The following AOPEP variants were observed in gnomAD, a reference collection of about 807,000 sequenced individuals.
AOPEP encodes aminopeptidase O (putative).
In AOPEP, 77 loss-of-function variants were observed where a neutral mutation model predicts 98.1. The observed-to-expected ratio is 0.78, with a 90% CI of 0.65 to 0.95. The LOEUF (loss-of-function observed/expected upper bound fraction) is 0.95, where lower values mean the gene tolerates loss of function less well. Among genes scored for constraint, AOPEP ranks in the 40% least tolerant of loss-of-function variants. The probability of loss-of-function intolerance (pLI) is 0.00; values close to 1 mark genes in which losing one functional copy is unlikely to be tolerated. For synonymous variants in AOPEP, 346 were observed against 365.3 expected, an observed-to-expected ratio of 0.95 and a Z score of 0.60; for missense variants, 1,024 against 1,024.7, an observed-to-expected ratio of 1.00 and a Z score of 0.01.
intron 5 of AOPEP, among the ~76,000 whole-genome samples, chr9:94,830,586 G>T (rs530242349): frequency 6.6e-6 from 1 of 152,252 alleles, no homozygotes; most frequent in East Asian, 1.9e-4. Context: ...TCCTATTTGG[G>T]TCGAATGGTA....
chr9:94,951,746 A>G (rs939798406), intron 7 of AOPEP, among the ~76,000 whole-genome samples: 2 of 152,210 alleles, frequency 1.3e-5, no homozygotes, highest in African/African-American at 4.8e-5. Flanking sequence ...ATGATAGTAA[A>G]GGCTGTTTGC....
intron 5 of AOPEP, among the ~76,000 whole-genome samples, chr9:94,886,897 G>T (rs976662552): frequency 1.4e-4 from 21 of 152,068 alleles, no homozygotes; most frequent in Non-Finnish European, 2.8e-4. Flanking sequence ...TTATATATGG[G>T]TTTGTATATA....
At chr9:94,956,340 C>T (rs922627330) in intron 9 of AOPEP, among the ~76,000 whole-genome samples, 3 of 152,202 alleles carry the variant, frequency 2.0e-5, no homozygotes, top group African/African-American at 4.8e-5. Flanking sequence ...TCAGTTTGAA[C>T]GCCACAGGCT....
chr9:94,747,079 GTC>G (rs1834674940), intron 1 of AOPEP, among the ~76,000 whole-genome samples: 2 of 149,156 alleles, frequency 1.3e-5, no homozygotes, highest in Admixed American at 6.7e-5. Context: ...TCACAATAGA[GTC>G]TTTCATTACA....
intron 11 of AOPEP, among the ~76,000 whole-genome samples, chr9:94,990,627 AT>A: frequency 6.6e-6 from 1 of 151,668 alleles, no homozygotes; most frequent in South Asian, 2.1e-4. Flanking sequence ...TAATTAATTA[AT>A]TAATTAATTA....
Position 94,769,972 on chromosome 9 carries a change from G to A in AOPEP, c.798-3030G>A, listed in dbSNP as rs117053181. 3.0e-4 allele frequency among the ~76,000 whole-genome samples: 45 copies of A among 152,344 alleles called. No individual in the cohort carries two copies. The East Asian group carries it at 6.0e-3, about 20-fold the overall frequency. ...TGGATTTTAATCCAGTTGGTGGAAG[G>A]ACCAGCCCCCCATCGACTGACTCAA... On this transcript the variant is annotated intron_variant, in intron 2 of 16. Transcript: ENST00000375315.
At chr9:94,916,711 T>TAAAAAAAA (rs1258413400) in intron 5 of AOPEP, among the ~76,000 whole-genome samples, 1 of 137,048 alleles carries the variant, frequency 7.3e-6, no homozygotes, top group African/African-American at 2.8e-5. Context: ...AAAAAAAAAT[T>TAAAAAAAA]AAATAAATAA....
intron 13 of AOPEP, among the ~76,000 whole-genome samples, chr9:95,054,565 T>C (rs2066663230): frequency 6.6e-6 from 1 of 152,242 alleles, no homozygotes; most frequent in Admixed American, 6.5e-5. Flanking sequence ...GAATTATTTA[T>C]GCCAGTAAAT....
At chr9:95,023,148 CAGT>C (rs779328003) in intron 13 of AOPEP, among the ~76,000 whole-genome samples, 24 of 152,146 alleles carry the variant, frequency 1.6e-4, no homozygotes, top group Admixed American at 7.9e-4. Flanking sequence ...GGGTCACAGA[CAGT>C]AGTAATTAAT....
Position 94,955,161 on chromosome 9 carries a change from T to A in AOPEP, c.1662-16T>A. 1 of 1,467,136 alleles carries A rather than the reference T, an allele frequency of 6.8e-7. No homozygotes were observed. The highest frequency in any genetic ancestry group is 9.5e-7 in the Non-Finnish European group (1 of 1,054,316). 90.9% of individuals were successfully genotyped at this position (1,467,136 alleles called of 1,614,324 possible). On this transcript the variant is annotated splice_polypyrimidine_tract_variant and intron_variant, in intron 7 of 16. Transcript: ENST00000375315. Reference sequence around the variant, plus strand: ...AATGTGCTATACTTAAATAAATTGTTACTAAATCGTTTTAGACCCAGTAAA... The same window carrying A: ...AATGTGCTATACTTAAATAAATTGTAACTAAATCGTTTTAGACCCAGTAAA...
At chr9:94,986,786 C>T (rs890881181) in intron 11 of AOPEP, among the ~76,000 whole-genome samples, 2 of 152,216 alleles carry the variant, frequency 1.3e-5, no homozygotes, top group Non-Finnish European at 2.9e-5. Flanking sequence ...AAACATTTTC[C>T]TCTGGTGCCC....
intron 3 of AOPEP, among the ~76,000 whole-genome samples, chr9:94,782,026 C>A (rs950858092): frequency 6.6e-6 from 1 of 150,944 alleles, no homozygotes; most frequent in African/African-American, 2.4e-5. Flanking sequence ...GCCGTCTCTA[C>A]TAAAAATACA....
Position 94,988,935 on chromosome 9 carries a change from G to A in AOPEP, c.1977+9508G>A, listed in dbSNP as rs2060690535. ...TTCTTTTTTTTTTTTTTTAGACAAA[G>A]TCTCGGTCTGTCGCCCAGGCTGAAG... On this transcript the variant is annotated intron_variant, in intron 11 of 16. Transcript: ENST00000375315. Among the ~76,000 whole-genome samples, 6 of 143,476 alleles carry A rather than the reference G, an allele frequency of 4.2e-5. No homozygotes were observed. The South Asian group carries it at 1.3e-3, about 32-fold the overall frequency. The allele number at this position is 143,476 out of a possible 152,430, so 94.1% of individuals were successfully genotyped here.
At chr9:95,101,172 G>T in the AOPEP span, 1 of 252,212 alleles carries the variant, frequency 4.0e-6, no homozygotes, top group African/African-American at 2.2e-5. Flanking sequence ...TGTCAGGCAG[G>T]TCCAGGGAGA....
chr9:95,010,503 C>T lies in AOPEP; in HGVS notation c.2115+4887C>T, dbSNP rs182133592. ...TTCAGCAAATAGTAGGCTTAGGCAG[C>T]CACTCTTATGCCACTGAGGCAACAT... is the stretch of plus-strand genomic sequence containing the variant. On this transcript the variant is annotated intron_variant, in intron 13 of 16. Transcript: ENST00000375315. 1.5e-3 allele frequency among the ~76,000 whole-genome samples: 228 copies of T among 152,324 alleles called. 1 individual carries two copies. Among genetic ancestry groups the T allele is most frequent in the Non-Finnish European group, 2.2e-3 (149 of 68,044 alleles).
chr9:94,768,100 A>G (rs1424114263), intron 2 of AOPEP, among the ~76,000 whole-genome samples: 2 of 152,298 alleles, frequency 1.3e-5, no homozygotes, highest in African/African-American at 4.8e-5. Flanking sequence ...AAGGAATTGG[A>G]GGAGGCCTGA....
chr9:95,069,163 C>T (rs1242832187), intron 14 of AOPEP, among the ~76,000 whole-genome samples: 1 of 152,240 alleles, frequency 6.6e-6, no homozygotes, highest in Non-Finnish European at 1.5e-5. Context: ...GCCCAATCGA[C>T]TTACTTGCTG....
chr9:94,813,840 A>G (rs1033133936), intron 5 of AOPEP, among the ~76,000 whole-genome samples: 3 of 152,198 alleles, frequency 2.0e-5, no homozygotes, highest in Non-Finnish European at 4.4e-5. Context: ...TCTGCTCCCC[A>G]TAGGATGCAA....
intron 7 of AOPEP, chr9:94,932,932 A>AGG (rs1233349583): frequency 1.0e-5 from 10 of 985,286 alleles, no homozygotes; most frequent in African/African-American, 1.7e-5. Context: ...ATGTGGCTAC[A>AGG]GGCTTCTGAG....
Sources: gnomAD v4.1 joint callset for allele counts (sites outside exome capture counted in the v4.1 genomes callset) on GRCh38, gnomAD v4.1.1 for gene constraint, MANE v1.5 for transcripts, NCBI Gene and HGNC (gene_info 2026-07-23, HGNC 2026-07-21) for gene names.